Variants in KCNMB2 observed in about 807,000 individuals in gnomAD.
KCNMB2 encodes the protein potassium calcium-activated channel subfamily M regulatory beta subunit 2.
A neutral mutation model predicts 24.5 loss-of-function variants in KCNMB2; 9 were observed. The ratio of observed to expected loss-of-function variants is 0.37; its 90% CI spans 0.22 to 0.64. The LOEUF is 0.64. Ranked by LOEUF, KCNMB2 falls within the 30% of genes least tolerant of loss-of-function variation. The pLI is 0.63. For synonymous variants in KCNMB2, 109 were observed against 104.4 expected (o/e 1.04, Z -0.27); for missense variants, 226 against 284.3 (o/e 0.79, Z 1.47).
intron 2 of KCNMB2, 43 bp downstream of exon 2, chr3:178,807,508 C>A (rs1240575373): frequency 6.6e-7 from 1 of 1,520,600 alleles, no homozygotes; most frequent in African/African-American, 1.4e-5. Flanking sequence ...AAGCATTTAA[C>A]CTGACTCTCC....
intron 1 of KCNMB2, among the ~76,000 whole-genome samples, chr3:178,655,095 C>CCTCTCTCTCTCTCTCTCTCTCTCTCT (rs67468527): frequency 9.0e-6 from 1 of 111,086 alleles, no homozygotes; most frequent in Non-Finnish European, 1.8e-5. Flanking sequence ...ATTAGCTCTC[C>CCTCTCTCTCTCTCTCTCTCTCTCTCT]CTCTCTCTCT....
At chr3:178,823,889 G>A (rs1714730689) in intron 2 of KCNMB2, among the ~76,000 whole-genome samples, 1 of 150,644 alleles carries the variant, frequency 6.6e-6, no homozygotes, top group South Asian at 2.1e-4. Context: ...TTATTCTTGT[G>A]CATATTGGCT....
chr3:178,755,104 C>A (rs76297449), intron 1 of KCNMB2, among the ~76,000 whole-genome samples: 1 of 152,220 alleles, frequency 6.6e-6, no homozygotes, highest in South Asian at 2.1e-4. Context: ...GGAAGCATGA[C>A]CAACAGCTAT....
At chr3:178,540,525 C>T (rs1715581078) in intron 1 of KCNMB2, among the ~76,000 whole-genome samples, 1 of 152,180 alleles carries the variant, frequency 6.6e-6, no homozygotes, top group African/African-American at 2.4e-5. Flanking sequence ...AATCTGGTTC[C>T]TCCCTGTACC....
intron 1 of KCNMB2, among the ~76,000 whole-genome samples, chr3:178,655,699 C>A (rs1720309518): frequency 6.6e-6 from 1 of 152,188 alleles, no homozygotes; most frequent in South Asian, 2.1e-4. Context: ...TTTCAGAGGC[C>A]AGGAACGCCC....
chr3:178,799,970 T>C (rs548874533), intron 1 of KCNMB2, among the ~76,000 whole-genome samples: 1 of 152,220 alleles, frequency 6.6e-6, no homozygotes, highest in Admixed American at 6.5e-5. Context: ...AAACTAAATA[T>C]CTATATGCTG....
At chr3:178,542,928 T>C (rs1008872845) in intron 1 of KCNMB2, among the ~76,000 whole-genome samples, 1 of 152,220 alleles carries the variant, frequency 6.6e-6, no homozygotes, top group African/African-American at 2.4e-5. Flanking sequence ...TGGTATATTA[T>C]TCATGGGGTC....
chr3:178,705,152 T>C (rs1466364569), intron 1 of KCNMB2, among the ~76,000 whole-genome samples: 2 of 152,100 alleles, frequency 1.3e-5, no homozygotes, highest in East Asian at 3.9e-4. Flanking sequence ...AGTCATATCC[T>C]GGGAACCTGC....
intron 1 of KCNMB2, among the ~76,000 whole-genome samples, chr3:178,731,513 G>A (rs906169170): frequency 6.6e-6 from 1 of 152,154 alleles, no homozygotes; most frequent in South Asian, 2.1e-4. Context: ...GAGCATCAGC[G>A]GCAATGTATA....
intron 1 of KCNMB2, among the ~76,000 whole-genome samples, chr3:178,700,168 G>A (rs548629804): frequency 1.3e-5 from 2 of 152,218 alleles, no homozygotes; most frequent in South Asian, 4.1e-4. Context: ...ATAATTCTGT[G>A]CAGATATAAT....
intron 1 of KCNMB2, among the ~76,000 whole-genome samples, chr3:178,588,122 C>T (rs1392039687): frequency 6.6e-6 from 1 of 151,966 alleles, no homozygotes; most frequent in Non-Finnish European, 1.5e-5. Flanking sequence ...TCTTTCTGAC[C>T]TACTAAGAGA....
chr3:178,790,075 A>G (rs1341773727), intron 1 of KCNMB2, among the ~76,000 whole-genome samples: 1 of 151,830 alleles, frequency 6.6e-6, no homozygotes, highest in African/African-American at 2.4e-5. Flanking sequence ...GCCCAACCAC[A>G]GTGGAATATG....
chr3:178,826,889 T>A (rs748108278), intron 3 of KCNMB2, among the ~76,000 whole-genome samples: 1 of 152,300 alleles, frequency 6.6e-6, no homozygotes, highest in South Asian at 2.1e-4. Context: ...AGGCCCCAAG[T>A]GGTCGTTGAT....
intron 1 of KCNMB2, among the ~76,000 whole-genome samples, chr3:178,756,909 T>G (rs76922854): frequency 2.0e-5 from 3 of 151,914 alleles, no homozygotes; most frequent in Admixed American, 6.6e-5. Context: ...TTAAAAACAC[T>G]GGACAGCACT....
At chr3:178,658,272 A>C (rs1217003729) in intron 1 of KCNMB2, among the ~76,000 whole-genome samples, 2 of 152,224 alleles carry the variant, frequency 1.3e-5, no homozygotes, top group Admixed American at 1.3e-4. Context: ...CAGTTGTCAA[A>C]CTTCCAAAGT....
intron 1 of KCNMB2, among the ~76,000 whole-genome samples, chr3:178,712,557 C>T (rs926620480): frequency 2.6e-5 from 4 of 152,172 alleles, no homozygotes; most frequent in South Asian, 2.1e-4. Flanking sequence ...ATTTATTACA[C>T]GCACACTGTA....
At chr3:178,614,019 T>C (rs114872423) in intron 1 of KCNMB2, among the ~76,000 whole-genome samples, 1 of 151,308 alleles carries the variant, frequency 6.6e-6, no homozygotes, top group Non-Finnish European at 1.5e-5. Flanking sequence ...CCTCTGACTG[T>C]TGTATTTTCA....
At chr3:178,810,538 C>T (rs572970353) in intron 2 of KCNMB2, among the ~76,000 whole-genome samples, 1 of 152,224 alleles carries the variant, frequency 6.6e-6, no homozygotes, top group East Asian at 1.9e-4. Context: ...TGTTTTTTTG[C>T]TCAGAAGAAA....
At chr3:178,624,097 A>C (rs1179943449) in intron 1 of KCNMB2, among the ~76,000 whole-genome samples, 3 of 152,224 alleles carry the variant, frequency 2.0e-5, no homozygotes, top group African/African-American at 7.2e-5. Context: ...TAGCTAACCC[A>C]AGGCCCCTGA....
Sources: gnomAD v4.1 joint callset for allele counts (sites outside exome capture counted in the v4.1 genomes callset) on GRCh38, gnomAD v4.1.1 for gene constraint, MANE v1.5 for transcripts, NCBI Gene and HGNC (gene_info 2026-07-23, HGNC 2026-07-21) for gene names.